The following FAT1 variants were observed in gnomAD, a reference collection of about 807,000 sequenced individuals.
The protein encoded by FAT1 is protocadherin Fat 1.
In FAT1, 171 loss-of-function variants were observed where a neutral mutation model predicts 329.8. The ratio of observed to expected loss-of-function variants is 0.52; its 90% CI spans 0.46 to 0.59. The LOEUF is 0.59. FAT1 is among the 20% of genes least tolerant of loss of function. The pLI, the probability that FAT1 is intolerant of heterozygous loss-of-function variation, is 0.00. For synonymous variants in FAT1, 2,233 were observed against 2,228.6 expected, an observed-to-expected ratio of 1.00 and a Z score of -0.06; for missense variants, 5,672 against 5,774.4, an observed-to-expected ratio of 0.98 and a Z score of 0.57.
chr4:186,678,437 T>C (rs1185728201), intron 2 of FAT1, among the ~76,000 whole-genome samples: 1 of 149,722 alleles, frequency 6.7e-6, no homozygotes, highest in East Asian at 1.9e-4. Context: ...TTTATTATAA[T>C]ATAATAATAA....
At chr4:186,595,052 A>G (rs937063938) in intron 26 of FAT1, among the ~76,000 whole-genome samples, 5 of 152,082 alleles carry the variant, frequency 3.3e-5, no homozygotes, top group African/African-American at 9.7e-5. Context: ...TATCAATGCA[A>G]TTTACCCTAT....
At chr4:186,690,160 G>T (rs927815448) in intron 2 of FAT1, among the ~76,000 whole-genome samples, 3 of 152,118 alleles carry the variant, frequency 2.0e-5, no homozygotes, top group Non-Finnish European at 4.4e-5. Flanking sequence ...AAAAAGAAGA[G>T]CAAACACTTG....
intron 3 of FAT1, among the ~76,000 whole-genome samples, chr4:186,660,311 T>A (rs968013979): frequency 6.6e-6 from 1 of 152,152 alleles, no homozygotes; most frequent in African/African-American, 2.4e-5. Flanking sequence ...ACACCCCAAC[T>A]TTCTGCTGAG....
chr4:186,617,780 C>T lies in FAT1; in HGVS notation c.8806G>A (p.Val2936Met), dbSNP rs377452929. The change falls in exon 10 of 27, where the codon GTG becomes ATG. Residue 2936 changes from valine to methionine, a missense_variant. Val to Met is a conservative substitution (Grantham distance 21). This residue lies in a region of FAT1 where 3,966 missense variants were observed against 3,915.2 expected (regional missense o/e 1.01). Coordinates refer to ENST00000441802, the MANE Select transcript of FAT1 (RefSeq NM_005245.4). Reference sequence around the variant, plus strand: ...TCCGTGGTACTTAAGATGGCAATCACCCCACCTTGGGGGTCATCCTCACTC... The same window carrying T: ...TCCGTGGTACTTAAGATGGCAATCATCCCACCTTGGGGGTCATCCTCACTC... ...TVSEDDPQGG[V>M]IAILSTTDAD... The T allele has an allele frequency of 4.3e-6, 7 of 1,613,532 alleles. No individual in the cohort carries two copies. The highest frequency in any genetic ancestry group is 3.3e-5 in the Admixed American group (2 of 59,994).
chr4:186,684,714 C>T (rs970142124), intron 2 of FAT1, among the ~76,000 whole-genome samples: 1 of 151,764 alleles, frequency 6.6e-6, no homozygotes, highest in Non-Finnish European at 1.5e-5. Flanking sequence ...CCAGTATTAA[C>T]GCAGCACAGT....
At chr4:186,626,808 GAAT>G (rs1305054684) in intron 9 of FAT1, among the ~76,000 whole-genome samples, 1 of 105,894 alleles carries the variant, frequency 9.4e-6, no homozygotes, top group Non-Finnish European at 1.9e-5. Flanking sequence ...ATGAATGAAT[GAAT>G]GAGGGACCAA....
intron 11 of FAT1, among the ~76,000 whole-genome samples, chr4:186,615,485 T>G (rs2126481475): frequency 6.6e-6 from 1 of 152,182 alleles, no homozygotes; most frequent in East Asian, 1.9e-4. Context: ...AGCACATTCC[T>G]CCTCCCTGTC....
At chr4:186,686,392 A>C (rs1304883305) in intron 2 of FAT1, among the ~76,000 whole-genome samples, 5 of 152,212 alleles carry the variant, frequency 3.3e-5, no homozygotes, top group Admixed American at 2.6e-4. Context: ...AATGAAGAAT[A>C]AAATATGTGT....
intron 2 of FAT1, among the ~76,000 whole-genome samples, chr4:186,700,119 A>G (rs1744232764): frequency 6.6e-6 from 1 of 152,142 alleles, no homozygotes; most frequent in Non-Finnish European, 1.5e-5. Context: ...CAAGGAGGAC[A>G]AGGCAAGAGA....
chr4:186,706,485 G>A (rs1269545769), intron 2 of FAT1, 78 bp downstream of exon 2: 1 of 1,438,970 alleles, frequency 6.9e-7, no homozygotes, highest in East Asian at 2.3e-5. Flanking sequence ...TTTTGAAGAA[G>A]CTGCCACAGG....
chr4:186,705,106 ATTTTTTTT>A (rs761512523), intron 2 of FAT1, among the ~76,000 whole-genome samples: 1 of 120,194 alleles, frequency 8.3e-6, no homozygotes, highest in Non-Finnish European at 1.7e-5. Context: ...CCACCCCAGC[ATTTTTTTT>A]TTTTTTTTTT....
intron 24 of FAT1, 49 bp downstream of exon 24, chr4:186,597,633 A>G (rs1738594308): frequency 7.4e-7 from 1 of 1,351,232 alleles, no homozygotes; most frequent in Non-Finnish European, 1.1e-6. Flanking sequence ...GCCAGTCAAT[A>G]TGACGCTATG....
chr4:186,606,357 A>C, intron 16 of FAT1, 144 bp from the exon 17 acceptor site: 2 of 754,512 alleles, frequency 2.7e-6, no homozygotes, highest in Non-Finnish European at 4.2e-6. Flanking sequence ...CGATGCCCTA[A>C]TCTCCTACAA....
At chr4:186,628,116 C>G (rs1247200229) in intron 9 of FAT1, 38 bp downstream of exon 9, 1 of 1,593,118 alleles carries the variant, frequency 6.3e-7, no homozygotes, top group Non-Finnish European at 8.6e-7. Context: ...CTTTTAACAA[C>G]TGCAAATTTA....
chr4:186,668,552 C>G (rs1363851245), intron 2 of FAT1, among the ~76,000 whole-genome samples: 1 of 152,164 alleles, frequency 6.6e-6, no homozygotes, highest in East Asian at 1.9e-4. Flanking sequence ...CATCACGATC[C>G]AAACCATTCT....
intron 11 of FAT1, among the ~76,000 whole-genome samples, chr4:186,614,785 C>A (rs1739625389): frequency 6.6e-6 from 1 of 152,140 alleles, no homozygotes; most frequent in South Asian, 2.1e-4. Context: ...ACATAAATAA[C>A]TGCAGTTGAG....
rs1429990191 is a variant in FAT1, at chr4:186,723,719, A to G, written c.-74T>C. 2.7e-5 allele frequency: 4 copies of G among 150,364 alleles called. No individual in the cohort carries two copies. Among genetic ancestry groups the G allele is most frequent in the African/African-American group, 9.8e-5 (4 of 40,700 alleles). 9.3% of individuals were successfully genotyped at this position (150,364 alleles called of 1,614,324 possible). On this transcript the variant is annotated 5_prime_UTR_variant, in exon 1 of 27. The change abolishes the stop of an existing upstream ORF in the 5' untranslated region. Transcript: ENST00000441802. Reference sequence around the variant, plus strand: ...TCTCGTGGAGCTCACCCGCCGTCTCAGCGCGCCCCCGAGCAGGGACCGGGC... The same window carrying G: ...TCTCGTGGAGCTCACCCGCCGTCTCGGCGCGCCCCCGAGCAGGGACCGGGC...
intron 26 of FAT1, among the ~76,000 whole-genome samples, chr4:186,592,315 T>C (rs1280083105): frequency 1.3e-5 from 2 of 152,110 alleles, no homozygotes; most frequent in African/African-American, 4.8e-5. Context: ...AAGTGAAGAG[T>C]CAGTTACAGG....
rs1349314438 is a variant in FAT1 at position 186,708,795 on chromosome 4, G to A, written c.1033C>T (p.Pro345Ser). Residue 345 changes from proline to serine, a missense_variant, in exon 2 of 27, where the codon CCC becomes TCC. Physicochemically the swap from Pro to Ser is moderately conservative, Grantham distance 74 (BLOSUM62 -1). This residue lies in a region of FAT1 where 3,966 missense variants were observed against 3,915.2 expected (regional missense o/e 1.01). Coordinates refer to ENST00000441802, the MANE Select transcript of FAT1 (RefSeq NM_005245.4). ...TLQAKDKGTPPQFSSVKVIHV... is the reference protein window; with the variant it reads ...TLQAKDKGTPSQFSSVKVIHV... Reference sequence around the variant, plus strand: ...ATGACTTTAACAGAAGAGAACTGGGGCGGAGTTCCTTTATCTTTAGCCTGT... The same window carrying A: ...ATGACTTTAACAGAAGAGAACTGGGACGGAGTTCCTTTATCTTTAGCCTGT... The A allele has an allele frequency of 6.2e-7, 1 of 1,613,990 alleles. No homozygotes were observed. The highest frequency in any genetic ancestry group is 1.1e-5 in the South Asian group (1 of 91,082).
Sources: gnomAD v4.1 joint callset for allele counts (sites outside exome capture counted in the v4.1 genomes callset) on GRCh38, gnomAD v4.1.1 for gene constraint, gnomAD v4.1.1 regional missense constraint, MANE v1.5 for transcripts, NCBI Gene and HGNC (gene_info 2026-07-23, HGNC 2026-07-21) for gene names.